VGLL4: variants seen among roughly 807,000 people sequenced by gnomAD.
VGLL4 encodes the protein transcription cofactor vestigial-like protein 4.
A neutral mutation model predicts 21.0 loss-of-function variants in VGLL4; 7 were observed. The observed-to-expected ratio is 0.33, with a 90% CI of 0.19 to 0.63. The LOEUF is 0.63. Ranked by LOEUF, VGLL4 falls within the 20% of genes least tolerant of loss-of-function variation. VGLL4 has a pLI of 0.78. For missense variants in VGLL4, 394 were observed against 425.7 expected, an observed-to-expected ratio of 0.93 and a Z score of 0.66; for synonymous variants, 222 against 173.2, an observed-to-expected ratio of 1.28 and a Z score of -2.21.
intron 1 of VGLL4, among the ~76,000 whole-genome samples, chr3:11,604,752 G>A (rs2074893609): frequency 7.0e-6 from 1 of 143,798 alleles, no homozygotes; most frequent in African/African-American, 2.5e-5. Context: ...GTTCTTTCCA[G>A]CTCTTAGAAT....
At chr3:11,626,313 C>G (rs1368748925) in intron 1 of VGLL4, 2 of 454,142 alleles carry the variant, frequency 4.4e-6, no homozygotes, top group Non-Finnish European at 8.8e-6. Context: ...AAATACACTG[C>G]AAGCACACAA....
intron 1 of VGLL4, among the ~76,000 whole-genome samples, chr3:11,618,310 T>C (rs1456060844): frequency 5.3e-5 from 8 of 152,184 alleles, no homozygotes; most frequent in Admixed American, 4.6e-4. Flanking sequence ...TAAGCTATTA[T>C]TACAAGATGT....
rs1007131179 is a variant in VGLL4, at chr3:11,557,187, GTC to G, written c.*1367_*1368del. The G allele has an allele frequency of 1.3e-5, 2 of 152,768 alleles. No homozygotes were observed. Among genetic ancestry groups the G allele is most frequent in the African/African-American group, 4.8e-5 (2 of 41,444 alleles). 9.5% of individuals were successfully genotyped at this position (152,768 alleles called of 1,614,324 possible). Reference sequence around the variant, plus strand: ...GAGCAGCTGTGACCTCCACAGCTGTGTCTGTCATGCTTGCTTCATCTAATTTC... The same window carrying G: ...GAGCAGCTGTGACCTCCACAGCTGTGTGTCATGCTTGCTTCATCTAATTTC... On this transcript the variant is annotated 3_prime_UTR_variant, in exon 5 of 5. Coordinates refer to ENST00000430365, the MANE Select transcript of VGLL4 (RefSeq NM_001128219.3).
chr3:11,591,687 G>A (rs1390547474), intron 2 of VGLL4, among the ~76,000 whole-genome samples: 3 of 152,208 alleles, frequency 2.0e-5, no homozygotes, highest in African/African-American at 7.2e-5. Flanking sequence ...TTACTTAAAG[G>A]TACCACACTC....
In VGLL4 at chr3:11,557,060, C is replaced by G. The variant is rs1559844337; in HGVS notation, c.*1496G>C. ...GCCTTGCAGGTGAGGTGACCACGCCCACGTCACCTGGTCAGGTGCCATCGT... is the reference window on the plus strand; with the variant it reads ...GCCTTGCAGGTGAGGTGACCACGCCGACGTCACCTGGTCAGGTGCCATCGT... On this transcript the variant is annotated 3_prime_UTR_variant, in exon 5 of 5. Transcript: ENST00000430365. 1 of 152,446 alleles carries G rather than the reference C, an allele frequency of 6.6e-6. No individual in the cohort carries two copies. The highest frequency in any genetic ancestry group is 1.5e-5 in the Non-Finnish European group (1 of 68,038). 9.4% of individuals were successfully genotyped at this position (152,446 alleles called of 1,614,324 possible).
At chr3:11,615,337 C>T (rs1005654139) in intron 1 of VGLL4, among the ~76,000 whole-genome samples, 3 of 152,200 alleles carry the variant, frequency 2.0e-5, no homozygotes, top group Non-Finnish European at 4.4e-5. Context: ...TTTCGTGACA[C>T]TGATGTTTTT....
chr3:11,590,151 T>C (rs1380541275), intron 2 of VGLL4, among the ~76,000 whole-genome samples: 1 of 151,888 alleles, frequency 6.6e-6, no homozygotes, highest in Non-Finnish European at 1.5e-5. Context: ...GAGAGAAGAG[T>C]GTTTTGAGAC....
rs115101129 is a variant in VGLL4 at position 11,710,711 on chromosome 3, A to G, written c.-13-7664T>C. Among the ~76,000 whole-genome samples the G allele has an allele frequency of 2.4e-3, 363 of 152,234 alleles. 2 individuals are homozygous for G. Among genetic ancestry groups the G allele is most frequent in the Middle Eastern group, 3.4e-3 (1 of 292 alleles). ...CAGGACCACTCCCTGAGCTAAAACC[A>G]ATTTGGTTTCAGCTAATAATATACA... On this transcript the variant is annotated intron_variant, in intron 1 of 5. Coordinates refer to the VGLL4 transcript ENST00000273038.
rs1351992827 is a variant in VGLL4 at position 11,556,743 on chromosome 3, G to A, written c.*1813C>T. The A allele has an allele frequency of 6.6e-6, 1 of 152,522 alleles. No individual in the cohort carries two copies. The highest frequency in any genetic ancestry group is 2.4e-5 in the African/African-American group (1 of 41,304). The allele number at this position is 152,522 out of a possible 1,614,324, so 9.4% of individuals were successfully genotyped here. On this transcript the variant is annotated 3_prime_UTR_variant, in exon 5 of 5. Transcript: ENST00000430365. ...ACAAATTTCTCTGTACATTCTTTAC[G>A]CACAGCGTAACGATGGTCTCAAAAT... is the stretch of plus-strand genomic sequence containing the variant.
At position 11,673,417 on chromosome 3, in the gene VGLL4, G is replaced by A. The variant is rs547683921; in HGVS notation, c.64+29554C>T. ...ATCTTCCAAAAAGCAGAACGAGTCC[G>A]GAAGGGAGAAAGGGGGAAAGGGGGG... On this transcript the variant is annotated intron_variant, in intron 2 of 5. Coordinates refer to the VGLL4 transcript ENST00000273038. Among the ~76,000 whole-genome samples, 8 of 152,036 alleles carry A rather than the reference G, an allele frequency of 5.3e-5. No homozygotes were observed. The South Asian group carries it at 1.2e-3, about 24-fold the overall frequency.
intron 2 of VGLL4, among the ~76,000 whole-genome samples, chr3:11,693,747 G>A (rs146882983): frequency 8.3e-4 from 127 of 152,266 alleles, no homozygotes; most frequent in Admixed American, 1.2e-3. Context: ...GACTGTCCCC[G>A]AGCACACGCT....
chr3:11,597,573 C>A (rs950191347), intron 2 of VGLL4, among the ~76,000 whole-genome samples: 1 of 152,170 alleles, frequency 6.6e-6, no homozygotes, highest in African/African-American at 2.4e-5. Flanking sequence ...TGTCAAAGAA[C>A]TGAAGCCCAC....
Position 11,688,532 on chromosome 3 carries a change from T to C in VGLL4, c.64+14439A>G, listed in dbSNP as rs187650704. Among the ~76,000 whole-genome samples the C allele has an allele frequency of 1.3e-3, 205 of 152,344 alleles. 1 individual carries two copies. The highest frequency in any genetic ancestry group is 4.5e-3 in the African/African-American group (186 of 41,584). On this transcript the variant is annotated intron_variant, in intron 2 of 5. Coordinates refer to the VGLL4 transcript ENST00000273038. ...TTGGTTACATGTGCATATATTTGTA[T>C]AGTATTCTCATCTATATACATAGTA... is the stretch of plus-strand genomic sequence containing the variant.
At chr3:11,585,164 A>C (rs897142766) in intron 2 of VGLL4, among the ~76,000 whole-genome samples, 10 of 152,190 alleles carry the variant, frequency 6.6e-5, no homozygotes, top group African/African-American at 2.4e-4. Flanking sequence ...GGCTGGACAC[A>C]GTGGCTCATG....
chr3:11,587,911 C>T (rs770191283), intron 2 of VGLL4, among the ~76,000 whole-genome samples: 79 of 152,244 alleles, frequency 5.2e-4, no homozygotes, highest in Non-Finnish European at 9.8e-4. Flanking sequence ...AGAAGCATCA[C>T]GGGCAGGGCT....
intron 1 of VGLL4, among the ~76,000 whole-genome samples, chr3:11,606,899 C>T (rs900525669): frequency 1.3e-5 from 2 of 152,138 alleles, no homozygotes; most frequent in African/African-American, 2.4e-5. Flanking sequence ...TCTTTGTGTC[C>T]GTGCCACCTT....
intron 2 of VGLL4, among the ~76,000 whole-genome samples, chr3:11,660,177 AT>A (rs1272742964): frequency 1.7e-4 from 26 of 150,490 alleles, no homozygotes; most frequent in African/African-American, 6.2e-4. Flanking sequence ...AAAAAAAAAA[AT>A]TTCCCATCCT....
At chr3:11,558,911 C>T in intron 4 of VGLL4, 84 bp from the exon 5 acceptor site, 5 of 1,503,548 alleles carry the variant, frequency 3.3e-6, no homozygotes, top group Non-Finnish European at 2.7e-6. Flanking sequence ...CCTCAGGCAG[C>T]CCAGAGCCGG....
intron 2 of VGLL4, among the ~76,000 whole-genome samples, chr3:11,669,804 T>C (rs2076177796): frequency 2.0e-5 from 3 of 152,166 alleles, no homozygotes; most frequent in African/African-American, 7.2e-5. Context: ...CTCAGCCTCC[T>C]GAATAGCTGG....
Sources: gnomAD v4.1 joint callset for allele counts (sites outside exome capture counted in the v4.1 genomes callset) on GRCh38, gnomAD v4.1.1 for gene constraint, MANE v1.5 for transcripts, NCBI Gene and HGNC (gene_info 2026-07-23, HGNC 2026-07-21) for gene names.